The following ITCH variants were observed in gnomAD, a reference collection of about 807,000 sequenced individuals.
ITCH encodes the protein itchy E3 ubiquitin protein ligase.
In ITCH, 28 loss-of-function variants were observed where a neutral mutation model predicts 126.8. The ratio of observed to expected loss-of-function variants is 0.22; its 90% CI spans 0.16 to 0.30. ITCH has a LOEUF of 0.30. ITCH is among the 10% of genes least tolerant of loss of function. The pLI is 1.00. For missense variants in ITCH, 631 were observed against 1,032.4 expected (o/e 0.61, Z 5.33); for synonymous variants, 342 against 340.0 (o/e 1.01, Z -0.06).
chr20:34,370,894 C>T (rs1049647353), intron 2 of ITCH, among the ~76,000 whole-genome samples: 1 of 151,942 alleles, frequency 6.6e-6, no homozygotes, highest in African/African-American at 2.4e-5. Flanking sequence ...TGAGGCTGGG[C>T]GCGGTGGCTC....
At chr20:34,407,178 A>G (rs1364592687) in intron 3 of ITCH, among the ~76,000 whole-genome samples, 1 of 152,144 alleles carries the variant, frequency 6.6e-6, no homozygotes, top group Non-Finnish European at 1.5e-5. Flanking sequence ...TCTTCCTTAG[A>G]TAATATGAGA....
chr20:34,420,655 A>AT (rs1239654353), intron 6 of ITCH, among the ~76,000 whole-genome samples: 1 of 151,744 alleles, frequency 6.6e-6, no homozygotes, highest in Admixed American at 6.6e-5. Flanking sequence ...CTTCCTTGTA[A>AT]TTTTTTTTGA....
At chr20:34,448,756 T>G (rs541599116) in intron 11 of ITCH, among the ~76,000 whole-genome samples, 1 of 152,306 alleles carries the variant, frequency 6.6e-6, no homozygotes, top group African/African-American at 2.4e-5. Context: ...CTACACAGAG[T>G]CGGTGTGACT....
At chr20:34,397,231 C>G (rs2038709886) in intron 3 of ITCH, among the ~76,000 whole-genome samples, 1 of 152,144 alleles carries the variant, frequency 6.6e-6, no homozygotes, top group Admixed American at 6.5e-5. Context: ...CCATCTTGAC[C>G]AGGCTGGCCT....
chr20:34,424,217 T>C (rs1981177867), intron 6 of ITCH, among the ~76,000 whole-genome samples: 1 of 152,192 alleles, frequency 6.6e-6, no homozygotes, highest in African/African-American at 2.4e-5. Flanking sequence ...GCAGGAATAG[T>C]AGTGCATGAG....
chr20:34,479,828 C>T, intron 18 of ITCH, 39 bp downstream of exon 18: 1 of 1,579,598 alleles, frequency 6.3e-7, no homozygotes, highest in Non-Finnish European at 8.7e-7. Context: ...TTTGCTTATT[C>T]AGCAATACTA....
At chr20:34,387,827 C>T (rs2038343705) in intron 2 of ITCH, among the ~76,000 whole-genome samples, 1 of 152,030 alleles carries the variant, frequency 6.6e-6, no homozygotes, top group Non-Finnish European at 1.5e-5. Context: ...GCCTCAGCCT[C>T]CCAAGTAGCT....
At chr20:34,507,263 G>GTTTTTTTTTTTTTTTTTTTTTTTTTT (rs776161631) in intron 24 of ITCH, among the ~76,000 whole-genome samples, 13 of 39,174 alleles carry the variant, frequency 3.3e-4, no homozygotes, top group East Asian at 1.8e-3. Flanking sequence ...GTTTTCTTCT[G>GTTTTTTTTTTTTTTTTTTTTTTTTTT]TTTTTTTTTT....
intron 12 of ITCH, among the ~76,000 whole-genome samples, chr20:34,449,785 G>A (rs1984968390): frequency 6.6e-6 from 1 of 152,056 alleles, no homozygotes; most frequent in Admixed American, 6.6e-5. Context: ...GTAGGTCTGG[G>A]TGGACTTCAA....
chr20:34,500,739 C>T (rs1307970923), intron 23 of ITCH, among the ~76,000 whole-genome samples: 1 of 152,100 alleles, frequency 6.6e-6, no homozygotes, highest in Non-Finnish European at 1.5e-5. Context: ...CTTTATATAT[C>T]CGTCGTTCCT....
At chr20:34,444,941 G>A (rs1365343102) in intron 10 of ITCH, among the ~76,000 whole-genome samples, 1 of 152,132 alleles carries the variant, frequency 6.6e-6, no homozygotes, top group Non-Finnish European at 1.5e-5. Context: ...ACTGCACCTG[G>A]CCAAAAAGTG....
chr20:34,373,809 G>C (rs1450730166), intron 2 of ITCH, among the ~76,000 whole-genome samples: 1 of 152,066 alleles, frequency 6.6e-6, no homozygotes, highest in Non-Finnish European at 1.5e-5. Flanking sequence ...CTACTAACTT[G>C]CTTGCTTTCT....
chr20:34,387,805 A>G (rs577750268), intron 2 of ITCH, among the ~76,000 whole-genome samples: 21 of 152,094 alleles, frequency 1.4e-4, no homozygotes, highest in African/African-American at 4.8e-4. Context: ...CCTGGGTTCA[A>G]GCGGTTCTCT....
chr20:34,369,283 A>T (rs1159531598), intron 1 of ITCH, 111 bp from the exon 2 acceptor site: 4 of 383,894 alleles, frequency 1.0e-5, no homozygotes, highest in Non-Finnish European at 1.8e-5. Context: ...GAGTGAGCCA[A>T]TATCATGCCA....
At chr20:34,505,129 C>G (rs767519006) in intron 24 of ITCH, among the ~76,000 whole-genome samples, 22 of 151,116 alleles carry the variant, frequency 1.5e-4, no homozygotes, top group African/African-American at 5.4e-4. Flanking sequence ...CTGCAACCTC[C>G]GCCTCCCAGG....
chr20:34,477,457 G>A (rs1988337035), intron 16 of ITCH, among the ~76,000 whole-genome samples: 1 of 152,208 alleles, frequency 6.6e-6, no homozygotes, highest in South Asian at 2.1e-4. Flanking sequence ...TTGAACCTGG[G>A]AGGTGGAGGT....
intron 13 of ITCH, 27 bp from the exon 14 acceptor site, chr20:34,462,065 TG>T (rs1336014648): frequency 6.2e-7 from 1 of 1,610,294 alleles, no homozygotes; most frequent in Non-Finnish European, 8.5e-7. Flanking sequence ...TTAATATTTT[TG>T]TTTATGTTTT....
intron 14 of ITCH, among the ~76,000 whole-genome samples, chr20:34,464,630 C>T (rs548204208): frequency 6.6e-6 from 1 of 151,964 alleles, no homozygotes; most frequent in African/African-American, 2.4e-5. Context: ...CCCAGCCTGT[C>T]AGTTTTTTCT....
At chr20:34,376,324 G>A (rs1038922648) in intron 2 of ITCH, among the ~76,000 whole-genome samples, 1 of 151,980 alleles carries the variant, frequency 6.6e-6, no homozygotes, top group East Asian at 1.9e-4. Context: ...TGTCCCAGCT[G>A]AAGTGCAAGG....
Sources: gnomAD v4.1 joint callset for allele counts (sites outside exome capture counted in the v4.1 genomes callset) on GRCh38, gnomAD v4.1.1 for gene constraint, MANE v1.5 for transcripts, NCBI Gene and HGNC (gene_info 2026-07-23, HGNC 2026-07-21) for gene names.